KPNA1: variants seen among roughly 807,000 people sequenced by gnomAD.
The protein encoded by KPNA1 is importin subunit alpha-5.
In KPNA1, 10 loss-of-function variants were observed where a neutral mutation model predicts 70.5. The observed-to-expected ratio is 0.14, with a 90% CI of 0.09 to 0.24. The LOEUF is 0.24. KPNA1 is among the 10% of genes least tolerant of loss of function. The pLI, the probability that KPNA1 is intolerant of heterozygous loss-of-function variation, is 1.00. For missense variants in KPNA1, 397 were observed against 637.9 expected (o/e 0.62, Z 4.07); for synonymous variants, 192 against 221.9 (o/e 0.87, Z 1.20).
chr3:122,447,818 A>G (rs1456893059), intron 9 of KPNA1, among the ~76,000 whole-genome samples: 2 of 152,234 alleles, frequency 1.3e-5, no homozygotes, highest in Non-Finnish European at 2.9e-5. Flanking sequence ...AAGCAACTTC[A>G]GCAAAGTCTC....
chr3:122,439,722 C>T (rs1207087102), intron 10 of KPNA1, among the ~76,000 whole-genome samples: 3 of 151,840 alleles, frequency 2.0e-5, no homozygotes, highest in African/African-American at 4.8e-5. Context: ...TTAGGACAGT[C>T]GGAGGATGGA....
Position 122,482,636 on chromosome 3 carries a change from CAAGT to C in KPNA1, c.129+13797_129+13800del, listed in dbSNP as rs1237650916. Among the ~76,000 whole-genome samples the C allele has an allele frequency of 3.3e-5, 5 of 152,120 alleles. No individual in the cohort carries two copies. In the East Asian group the frequency reaches 5.8e-4, roughly 18 times the overall value. On this transcript the variant is annotated intron_variant, in intron 2 of 13. Coordinates refer to ENST00000344337, the MANE Select transcript of KPNA1 (RefSeq NM_002264.4). ...TCTATAACAAAGGGACTAGAACTAACAAGTGAGTTCAGCAAGCTTTAGGAGATCA... is the reference window on the plus strand; with the variant it reads ...TCTATAACAAAGGGACTAGAACTAACGAGTTCAGCAAGCTTTAGGAGATCA...
chr3:122,510,687 T>A (rs2076945678), intron 1 of KPNA1, among the ~76,000 whole-genome samples: 1 of 152,160 alleles, frequency 6.6e-6, no homozygotes, highest in Non-Finnish European at 1.5e-5. Context: ...ATAATATCTA[T>A]AATTGCTATA....
chr3:122,491,278 T>C (rs2076695041), intron 2 of KPNA1, among the ~76,000 whole-genome samples: 1 of 152,358 alleles, frequency 6.6e-6, no homozygotes, highest in Middle Eastern at 3.4e-3. Flanking sequence ...GGGATGCTGT[T>C]AGTGATCTTT....
intron 12 of KPNA1, among the ~76,000 whole-genome samples, chr3:122,430,209 C>A (rs1384846842): frequency 5.9e-5 from 9 of 152,034 alleles, no homozygotes; most frequent in African/African-American, 2.2e-4. Flanking sequence ...CCCACCACCA[C>A]TACTACTGCC....
intron 2 of KPNA1, among the ~76,000 whole-genome samples, chr3:122,476,177 C>G (rs931635451): frequency 6.6e-6 from 1 of 152,168 alleles, no homozygotes; most frequent in Non-Finnish European, 1.5e-5. Flanking sequence ...GTGCCAAGAA[C>G]ACACAATAGG....
chr3:122,447,197 G>A (rs2076149418), intron 9 of KPNA1, among the ~76,000 whole-genome samples: 2 of 152,114 alleles, frequency 1.3e-5, no homozygotes, highest in South Asian at 4.1e-4. Context: ...TGATACCAAA[G>A]CCTGGCAAAG....
At chr3:122,430,343 T>A (rs994383629) in intron 12 of KPNA1, among the ~76,000 whole-genome samples, 1 of 152,174 alleles carries the variant, frequency 6.6e-6, no homozygotes, top group Non-Finnish European at 1.5e-5. Context: ...GGTCTATATT[T>A]TGAAGGTTGG....
intron 11 of KPNA1, among the ~76,000 whole-genome samples, chr3:122,436,560 CA>C (rs1433722690): frequency 6.6e-5 from 10 of 152,140 alleles, no homozygotes; most frequent in Non-Finnish European, 1.5e-4. Flanking sequence ...TTAGGGAAAA[CA>C]GAAAAGAACC....
At chr3:122,451,144 GA>G (rs370928184) in intron 8 of KPNA1, among the ~76,000 whole-genome samples, 45 of 141,814 alleles carry the variant, frequency 3.2e-4, no homozygotes, top group Admixed American at 2.8e-4. Flanking sequence ...AAACCTATTG[GA>G]AAAAAAAAAA....
intron 2 of KPNA1, among the ~76,000 whole-genome samples, chr3:122,495,783 G>A (rs2076753503): frequency 7.0e-6 from 1 of 142,310 alleles, no homozygotes; most frequent in African/African-American, 2.6e-5. Flanking sequence ...TTTCTTTGCC[G>A]AATGTAACAG....
chr3:122,459,951 C>G, intron 5 of KPNA1: 1 of 985,422 alleles, frequency 1.0e-6, no homozygotes, highest in Non-Finnish European at 1.2e-6. Context: ...GGAGCTATCA[C>G]TTAACAAAAA....
Position 122,452,872 on chromosome 3 carries a change from C to A in KPNA1, c.565-808G>T, listed in dbSNP as rs184104235. Among the ~76,000 whole-genome samples the A allele has an allele frequency of 5.9e-4, 90 of 152,276 alleles. 2 individuals are homozygous for A. The highest frequency in any genetic ancestry group is 5.9e-4 in the Admixed American group (9 of 15,300). On this transcript the variant is annotated intron_variant, in intron 6 of 13. Coordinates refer to ENST00000344337, the MANE Select transcript of KPNA1 (RefSeq NM_002264.4). ...AAAAGAGACAGAAAGAGAGTATTTT[C>A]TTGCTTACATAAGAAAACAGTGAAC...
chr3:122,507,911 C>T (rs889893091), intron 1 of KPNA1, among the ~76,000 whole-genome samples: 7 of 152,066 alleles, frequency 4.6e-5, no homozygotes, highest in Admixed American at 6.6e-5. Context: ...TTTAAGAACA[C>T]TTATGAGGGT....
At position 122,423,859 on chromosome 3, in the gene KPNA1, C is replaced by CATAT. The variant is rs1197481857; in HGVS notation, c.*3122_*3125dup. Reference sequence around the variant, plus strand: ...CTCAGAGCCAATAACCTTCATCTGTCATATGGAAGAAACAATCCTAGGGCA... The same window carrying CATAT: ...CTCAGAGCCAATAACCTTCATCTGTCATATATATGGAAGAAACAATCCTAGGGCA... On this transcript the variant is annotated 3_prime_UTR_variant, in exon 14 of 14. Transcript: ENST00000344337. The CATAT allele has an allele frequency of 2.0e-5, 3 of 152,514 alleles. No homozygotes were observed. Among genetic ancestry groups the CATAT allele is most frequent in the African/African-American group, 7.2e-5 (3 of 41,426 alleles). 9.4% of individuals were successfully genotyped at this position (152,514 alleles called of 1,614,324 possible). A position where few individuals can be genotyped will look rare whatever the true frequency, so the allele number is the denominator to read the frequency against.
intron 2 of KPNA1, among the ~76,000 whole-genome samples, chr3:122,489,053 CGTGCGTGTGTGTGTGT>C (rs1383114561): frequency 1.7e-5 from 2 of 118,738 alleles, no homozygotes; most frequent in Non-Finnish European, 3.3e-5. Context: ...GGTTTTTTTG[CGTGCGTGTGTGTGTGT>C]GTGTGTGTGT....
intron 2 of KPNA1, among the ~76,000 whole-genome samples, chr3:122,482,045 T>C (rs7429733): frequency 1.3e-5 from 2 of 152,102 alleles, no homozygotes; most frequent in Admixed American, 6.5e-5. Flanking sequence ...TCTCATAAAA[T>C]ACACACATGC....
At position 122,446,113 on chromosome 3, in the gene KPNA1, C is replaced by T. The variant is rs1405074862; in HGVS notation, c.917+3461G>A. Among the ~76,000 whole-genome samples the T allele has an allele frequency of 3.9e-5, 6 of 152,282 alleles. No individual in the cohort carries two copies. In the East Asian group the frequency reaches 7.7e-4, roughly 20 times the overall value. ...CCACTGTCAATATTAGACAGATCAA[C>T]ACGACAGAAGGTTAACAAGGATATC... On this transcript the variant is annotated intron_variant, in intron 9 of 13. Coordinates refer to ENST00000344337, the MANE Select transcript of KPNA1 (RefSeq NM_002264.4).
intron 1 of KPNA1, among the ~76,000 whole-genome samples, chr3:122,499,959 G>A (rs2076807708): frequency 6.6e-6 from 1 of 152,154 alleles, no homozygotes; most frequent in African/African-American, 2.4e-5. Context: ...TTTCTTTGCG[G>A]GCAGTTCTGT....
Sources: allele counts gnomAD v4.1 joint callset (sites outside exome capture counted in the v4.1 genomes callset), GRCh38; gene constraint gnomAD v4.1.1; transcripts MANE v1.5; gene names NCBI Gene and HGNC (gene_info 2026-07-23, HGNC 2026-07-21).